Variants in IQCM observed in about 807,000 individuals in gnomAD.
The protein encoded by IQCM is IQ motif containing M, also known as IQ domain-containing protein M.
In IQCM, 45 loss-of-function variants were observed where a neutral mutation model predicts 57.6. The ratio of observed to expected loss-of-function variants is 0.78; its 90% CI spans 0.62 to 1.00. IQCM has a LOEUF of 1.00. Among genes scored for constraint, IQCM ranks in the 50% least tolerant of loss-of-function variants. The pLI is 0.00. For synonymous variants in IQCM, 148 were observed against 158.9 expected, an observed-to-expected ratio of 0.93 and a Z score of 0.51; for missense variants, 468 against 511.6, an observed-to-expected ratio of 0.91 and a Z score of 0.82.
intron 9 of IQCM, among the ~76,000 whole-genome samples, chr4:149,580,681 TAAA>T (rs1752098560): frequency 6.6e-6 from 1 of 151,586 alleles, no homozygotes; most frequent in African/African-American, 2.4e-5. Context: ...ATAACTGAGA[TAAA>T]GAACACAGTA....
intron 13 of IQCM, among the ~76,000 whole-genome samples, chr4:149,415,280 T>C (rs1374129058): frequency 1.3e-5 from 2 of 152,180 alleles, no homozygotes; most frequent in Non-Finnish European, 2.9e-5. Flanking sequence ...CATCATTCTT[T>C]GTAATTGATG....
chr4:149,559,134 G>A (rs1288147973), intron 10 of IQCM, among the ~76,000 whole-genome samples: 3 of 152,010 alleles, frequency 2.0e-5, no homozygotes, highest in African/African-American at 4.8e-5. Context: ...CCTATCAACT[G>A]TCCATTTCCC....
chr4:149,484,475 T>C (rs191099658), intron 12 of IQCM, among the ~76,000 whole-genome samples: 3 of 152,182 alleles, frequency 2.0e-5, no homozygotes, highest in African/African-American at 7.2e-5. Context: ...TGTATATTTT[T>C]CAATTTTAGG....
At chr4:149,497,220 G>A (rs557998686) in intron 12 of IQCM, among the ~76,000 whole-genome samples, 1 of 152,132 alleles carries the variant, frequency 6.6e-6, no homozygotes, top group Non-Finnish European at 1.5e-5. Flanking sequence ...GGAGGAGGAG[G>A]AGCCTCAGGG....
intron 3 of IQCM, among the ~76,000 whole-genome samples, chr4:149,740,964 GA>G (rs1767403866): frequency 1.3e-5 from 2 of 152,112 alleles, no homozygotes; most frequent in South Asian, 4.2e-4. Flanking sequence ...TATGGAGCTG[GA>G]AAGTAAATAG....
intron 12 of IQCM, among the ~76,000 whole-genome samples, chr4:149,439,978 A>G (rs1230945507): frequency 6.7e-6 from 1 of 148,434 alleles, no homozygotes; most frequent in Non-Finnish European, 1.5e-5. Flanking sequence ...TTTTTTTGAG[A>G]CAGAGTTTTG....
At chr4:149,390,834 T>A (rs1731798719) in intron 13 of IQCM, among the ~76,000 whole-genome samples, 2 of 151,944 alleles carry the variant, frequency 1.3e-5, no homozygotes. Flanking sequence ...TGTTGAGGAT[T>A]TTTTGCTTCT....
chr4:149,662,384 A>T (rs898359012), intron 7 of IQCM, among the ~76,000 whole-genome samples: 2 of 151,960 alleles, frequency 1.3e-5, no homozygotes, highest in Non-Finnish European at 2.9e-5. Context: ...AGAATGTTCC[A>T]TGTGCAGATG....
In IQCM at chr4:149,521,050, T is replaced by C. The variant is rs17026294; in HGVS notation, c.1228+27405A>G. Among the ~76,000 whole-genome samples the C allele has an allele frequency of 9.4e-3, 1,428 of 152,258 alleles. 16 individuals carry two copies. Among genetic ancestry groups the C allele is most frequent in the African/African-American group, 0.033 (1,356 of 41,562 alleles). On this transcript the variant is annotated intron_variant, in intron 12 of 13. Transcript: ENST00000636793. ...CTAGCTAACCCACTCTTTTCTGCAG[T>C]TTCTCACTTGGGTCCATAAGAATCT...
Position 149,351,842 on chromosome 4 carries a change from G to T in IQCM, c.*109C>A, listed in dbSNP as rs564912588. The T allele has an allele frequency of 1.0e-5, 4 of 395,728 alleles. No homozygotes were observed. The highest frequency in any genetic ancestry group is 1.8e-5 in the Non-Finnish European group (4 of 224,708). 24.5% of individuals were successfully genotyped at this position (395,728 alleles called of 1,614,324 possible). ...TGTCAAAGTTCTTTCTATATTCAAA[G>T]ATTTTTATCCTTTCTTCCTACTCAT... On this transcript the variant is annotated 3_prime_UTR_variant, in exon 14 of 14. Transcript: ENST00000636793.
At chr4:149,399,264 T>C (rs1048888728) in intron 13 of IQCM, among the ~76,000 whole-genome samples, 1 of 151,964 alleles carries the variant, frequency 6.6e-6, no homozygotes, top group Admixed American at 6.6e-5. Context: ...CCACCCTACT[T>C]AAAATAATGA....
At chr4:149,424,837 C>T (rs1734355970) in intron 13 of IQCM, among the ~76,000 whole-genome samples, 1 of 151,854 alleles carries the variant, frequency 6.6e-6, no homozygotes, top group Non-Finnish European at 1.5e-5. Context: ...TAAATAAATC[C>T]ATATGCATTA....
At chr4:149,795,699 G>A (rs1197607102) in intron 2 of IQCM, among the ~76,000 whole-genome samples, 1 of 152,148 alleles carries the variant, frequency 6.6e-6, no homozygotes, top group Non-Finnish European at 1.5e-5. Flanking sequence ...AGGGAATAGT[G>A]AGGAGAACTT....
chr4:149,434,859 G>A (rs746188526), intron 12 of IQCM, among the ~76,000 whole-genome samples: 1 of 151,956 alleles, frequency 6.6e-6, no homozygotes. Context: ...CCATCACTGG[G>A]CGCTTCCTAG....
In IQCM at chr4:149,813,856, T is replaced by C. The variant is rs115640581; in HGVS notation, c.-49+1455A>G. On this transcript the variant is annotated intron_variant, in intron 2 of 13. Transcript: ENST00000636793. Reference sequence around the variant, plus strand: ...GCCAAAATTATTATTCCAGAGTCCTTAGCACAGAGTGCCACTTGGATTTTC... The same window carrying C: ...GCCAAAATTATTATTCCAGAGTCCTCAGCACAGAGTGCCACTTGGATTTTC... Among the ~76,000 whole-genome samples, 540 of 152,174 alleles carry C rather than the reference T, an allele frequency of 3.5e-3. 2 individuals are homozygous for C. Among genetic ancestry groups the C allele is most frequent in the Non-Finnish European group, 4.8e-3 (327 of 67,930 alleles).
At chr4:149,455,294 A>T (rs1737574029) in intron 12 of IQCM, among the ~76,000 whole-genome samples, 1 of 152,000 alleles carries the variant, frequency 6.6e-6, no homozygotes, top group Admixed American at 6.6e-5. Context: ...TCAATGCAGG[A>T]TTTACCCCAA....
intron 9 of IQCM, among the ~76,000 whole-genome samples, chr4:149,587,605 G>A (rs1440369594): frequency 6.6e-6 from 1 of 151,744 alleles, no homozygotes; most frequent in African/African-American, 2.4e-5. Flanking sequence ...AACATATGCA[G>A]TGTCATTTAC....
chr4:149,486,017 G>GTC (rs71596213), intron 12 of IQCM, among the ~76,000 whole-genome samples: 4,877 of 121,422 alleles, frequency 0.04, 125 homozygotes, highest in Non-Finnish European at 0.047. Flanking sequence ...AGCAAACAGA[G>GTC]TCTCTCTCTC....
intron 13 of IQCM, among the ~76,000 whole-genome samples, chr4:149,427,125 T>A (rs1350214312): frequency 1.3e-5 from 2 of 151,924 alleles, no homozygotes; most frequent in Non-Finnish European, 2.9e-5. Flanking sequence ...TTGAAAGCAT[T>A]CTATTTGACC....
Sources: allele counts gnomAD v4.1 joint callset (sites outside exome capture counted in the v4.1 genomes callset), GRCh38; gene constraint gnomAD v4.1.1; transcripts MANE v1.5; gene names NCBI Gene and HGNC (gene_info 2026-07-23, HGNC 2026-07-21).